Variants in PLXNA2 observed in about 807,000 individuals in gnomAD.
PLXNA2 encodes the protein plexin A2, also known as plexin-A2.
A neutral mutation model predicts 193.5 loss-of-function variants in PLXNA2; 91 were observed. The ratio of observed to expected loss-of-function variants is 0.47; its 90% CI spans 0.40 to 0.56. The LOEUF is 0.56. PLXNA2 is among the 20% of genes least tolerant of loss of function. The pLI is 0.00. For synonymous variants in PLXNA2, 997 were observed against 1,027.3 expected, an observed-to-expected ratio of 0.97 and a Z score of 0.56; for missense variants, 1,995 against 2,503.2, an observed-to-expected ratio of 0.80 and a Z score of 4.33.
At chr1:208,235,519 G>A (rs945655718) in intron 1 of PLXNA2, among the ~76,000 whole-genome samples, 4 of 152,192 alleles carry the variant, frequency 2.6e-5, no homozygotes, top group African/African-American at 7.2e-5. Flanking sequence ...TGGAGAAACC[G>A]AGGTGCTGGG....
At chr1:208,042,994 T>C in intron 21 of PLXNA2, 67 bp downstream of exon 21, 1 of 1,553,904 alleles carries the variant, frequency 6.4e-7, no homozygotes, top group African/African-American at 1.4e-5. Context: ...GAGTCTCATC[T>C]GGATTTCCTA....
intron 4 of PLXNA2, among the ~76,000 whole-genome samples, chr1:208,136,388 T>A (rs1288373787): frequency 6.6e-6 from 1 of 152,216 alleles, no homozygotes; most frequent in Non-Finnish European, 1.5e-5. Context: ...GGTCTGAATG[T>A]TCACTACCTG....
chr1:208,104,973 A>T (rs992453646), intron 4 of PLXNA2, among the ~76,000 whole-genome samples: 13 of 152,104 alleles, frequency 8.5e-5, no homozygotes, highest in African/African-American at 2.9e-4. Context: ...AGTCAACTCA[A>T]CTCAAAATCT....
At chr1:208,240,917 G>C (rs989730322) in intron 1 of PLXNA2, among the ~76,000 whole-genome samples, 2 of 151,998 alleles carry the variant, frequency 1.3e-5, no homozygotes, top group Admixed American at 1.3e-4. Flanking sequence ...CTGGAGACAG[G>C]AATTGCCTCC....
chr1:208,033,203 G>T (rs1298841282), intron 28 of PLXNA2, 116 bp downstream of exon 28: 2 of 993,532 alleles, frequency 2.0e-6, no homozygotes, highest in South Asian at 1.5e-5. Flanking sequence ...GCTGTACCTG[G>T]ACTGTCTGAA....
At chr1:208,031,893 G>A (rs1181905682) in intron 28 of PLXNA2, 134 bp from the exon 29 acceptor site, 19 of 1,273,464 alleles carry the variant, frequency 1.5e-5, no homozygotes, top group African/African-American at 1.4e-4. Flanking sequence ...GCAGTGTTGC[G>A]GGGTGGGGAA....
chr1:208,084,867 G>A (rs1315076379), intron 9 of PLXNA2, among the ~76,000 whole-genome samples: 1 of 152,172 alleles, frequency 6.6e-6, no homozygotes, highest in Non-Finnish European at 1.5e-5. Flanking sequence ...CTGAGACACT[G>A]GATAAAAGAG....
rs774436394 is a variant in PLXNA2, at chr1:208,029,003, G to T, written c.5265C>A (p.Pro1755=). Residue 1755 remains proline, a synonymous_variant, in exon 30 of 32, where the codon CCC becomes CCA. Coordinates refer to ENST00000367033, the MANE Select transcript of PLXNA2 (RefSeq NM_025179.4). The part of the protein sequence containing the change: ...LRFWVNVIKN[P]QFVFDIHKGS... ...CCTTGTGGATGTCAAACACGAACTG[G>T]GGGTTCTTAATCACGTTCACCCAGA... 1.2e-6 allele frequency: 2 copies of T among 1,613,980 alleles called. No individual in the cohort carries two copies. The highest frequency in any genetic ancestry group is 1.3e-5 in the African/African-American group (1 of 74,878).
chr1:208,038,461 G>A lies in PLXNA2; in HGVS notation c.4674C>T (p.Gly1558=). The change falls in exon 26 of 32, where the codon GGC becomes GGT. Residue 1558 remains glycine (G), a synonymous_variant. Transcript: ENST00000367033. The surrounding 1 kb of genome is among the most constrained non-coding windows in gnomAD (Gnocchi z 4.1). ...AVDMDLEWRQ[G]RIARVVLQDE... The stretch of plus-strand genomic sequence containing the variant: ...CTTGCAGCACGACCCGGGCGATCCG[G>A]CCTTGGCGCCACTCTGGGTGGAGGG... 1 of 1,614,018 alleles carries A rather than the reference G, an allele frequency of 6.2e-7. No individual in the cohort carries two copies. The highest frequency in any genetic ancestry group is 8.5e-7 in the Non-Finnish European group (1 of 1,179,884).
chr1:208,042,413 G>C (rs374105715), intron 21 of PLXNA2, 47 bp from the exon 22 acceptor site: 1 of 1,587,166 alleles, frequency 6.3e-7, no homozygotes, highest in Non-Finnish European at 8.6e-7. Context: ...GACAGGCATC[G>C]GGCCTCCTAC....
In PLXNA2 at chr1:208,167,737, CATA is replaced by C. The variant is rs1259332590; in HGVS notation, c.1372-25277_1372-25275del. Among the ~76,000 whole-genome samples the C allele has an allele frequency of 9.2e-5, 14 of 152,234 alleles. No homozygotes were observed. The East Asian group carries it at 2.7e-3, about 29-fold the overall frequency. On this transcript the variant is annotated intron_variant, in intron 3 of 31. Transcript: ENST00000367033. ...GAGCAGCAGCAGCCCGCACGTGGTG[CATA>C]ATGACTATGTTTCTGCTTAATACAA...
intron 22 of PLXNA2, among the ~76,000 whole-genome samples, chr1:208,041,805 A>G (rs1174261967): frequency 6.6e-6 from 1 of 152,216 alleles, no homozygotes; most frequent in Non-Finnish European, 1.5e-5. Flanking sequence ...TGGTTACAAC[A>G]CTGGCCAGAA....
intron 12 of PLXNA2, among the ~76,000 whole-genome samples, chr1:208,071,528 G>A (rs1440849776): frequency 3.3e-5 from 5 of 152,134 alleles, no homozygotes; most frequent in Non-Finnish European, 7.4e-5. Flanking sequence ...GTGTGTGTCT[G>A]TGTGTGTGTG....
At chr1:208,162,337 G>A (rs1173475851) in intron 3 of PLXNA2, among the ~76,000 whole-genome samples, 2 of 152,256 alleles carry the variant, frequency 1.3e-5, no homozygotes, top group East Asian at 3.8e-4. Context: ...TATTGGAGCA[G>A]GAGAGATGTG....
At chr1:208,031,389 G>A (rs1664498121) in intron 29 of PLXNA2, 5 of 1,394,196 alleles carry the variant, frequency 3.6e-6, no homozygotes, top group Middle Eastern at 2.6e-4. Context: ...CTCAAGCCAG[G>A]CAGGCCCCAC....
chr1:208,054,355 G>T, intron 14 of PLXNA2, 66 bp downstream of exon 14: 1 of 1,090,996 alleles, frequency 9.2e-7, no homozygotes, highest in South Asian at 1.3e-5. Flanking sequence ...GGCTTCCTGG[G>T]AGGAGTCTGG....
intron 12 of PLXNA2, among the ~76,000 whole-genome samples, chr1:208,078,190 G>A (rs1305353908): frequency 6.6e-6 from 1 of 152,100 alleles, no homozygotes; most frequent in Non-Finnish European, 1.5e-5. Context: ...TATTTCCCAT[G>A]GTGGTTGTGA....
In PLXNA2 at chr1:208,217,171, C is replaced by T. The variant is rs143119210; in HGVS notation, c.752G>A (p.Gly251Asp). ...CTGGACAGTGAGAAAGTAGACAAAG[C>T]CCCCACTAGCAAAGCCGTAGATGTA... ...IFYIYGFASG[G>D]FVYFLTVQPE... The change falls in exon 2 of 32, where the codon GGC becomes GAC. Residue 251 changes from glycine (G) to aspartate (D), a missense_variant. Around this residue, in one of 3 missense-constraint regions of PLXNA2, gnomAD observed 702 missense variants for 812.9 expected, o/e 0.86. Transcript: ENST00000367033. This position sits in a 1 kb window ranked among gnomAD's most constrained non-coding sequence, Gnocchi z 4.7. 21 of 1,613,998 alleles carry T rather than the reference C, an allele frequency of 1.3e-5. 1 individual carries two copies. The South Asian group carries it at 2.0e-4, about 15-fold the overall frequency.
intron 17 of PLXNA2, among the ~76,000 whole-genome samples, chr1:208,047,851 G>A (rs1386120695): frequency 2.0e-5 from 3 of 152,182 alleles, no homozygotes; most frequent in East Asian, 1.9e-4. Context: ...TAAACAAAGC[G>A]GCTCACTGCG....
Sources: allele counts gnomAD v4.1 joint callset (sites outside exome capture counted in the v4.1 genomes callset), GRCh38; gene constraint gnomAD v4.1.1; regional missense constraint gnomAD v4.1.1; non-coding constraint Gnocchi (gnomAD v3.1); transcripts MANE v1.5; gene names NCBI Gene and HGNC (gene_info 2026-07-23, HGNC 2026-07-21).